PIK3R6: variants seen among roughly 807,000 people sequenced by gnomAD.
PIK3R6 encodes phosphoinositide 3-kinase regulatory subunit 6.
In PIK3R6, 91 loss-of-function variants were observed where a neutral mutation model predicts 84.9. The observed-to-expected ratio is 1.07, with a 90% CI of 0.90 to 1.28. The LOEUF (loss-of-function observed/expected upper bound fraction) is 1.28. PIK3R6 is among the 50% of genes most tolerant of loss of function. PIK3R6 has a pLI of 0.00. For missense variants in PIK3R6, 996 were observed against 985.1 expected (o/e 1.01, Z -0.15); for synonymous variants, 416 against 411.4 (o/e 1.01, Z -0.13).
rs2088587341 is a variant in PIK3R6, at chr17:8,839,125, G to T, written c.98-470C>A. Among the ~76,000 whole-genome samples, 1 of 152,076 alleles carries T rather than the reference G, an allele frequency of 6.6e-6. No individual in the cohort carries two copies. The highest frequency in any genetic ancestry group is 6.5e-5 in the Admixed American group (1 of 15,272). On this transcript the variant is annotated intron_variant, in intron 3 of 19. Coordinates refer to ENST00000619866, the MANE Select transcript of PIK3R6 (RefSeq NM_001010855.4). The surrounding 1 kb of genome is among the most constrained non-coding windows in gnomAD (Gnocchi z 4.2). ...CACTTTGGGAGGCTGAGACAGGCGGGTCACTTGCGGTCAGGAGTTCGAGAC... is the reference window on the plus strand; with the variant it reads ...CACTTTGGGAGGCTGAGACAGGCGGTTCACTTGCGGTCAGGAGTTCGAGAC...
In PIK3R6 at chr17:8,828,209, G is replaced by A; in HGVS notation, c.1314-19C>T. ...CCGTTTCCTAGCAATGGGCAGCAAA[G>A]CAGAGGAGGTTAGGGGCGGGGCTTG... On this transcript the variant is annotated intron_variant, in intron 11 of 19. Coordinates refer to ENST00000619866, the MANE Select transcript of PIK3R6 (RefSeq NM_001010855.4). The A allele has an allele frequency of 1.9e-6, 3 of 1,612,422 alleles. No individual in the cohort carries two copies. Among genetic ancestry groups the A allele is most frequent in the Non-Finnish European group, 2.5e-6 (3 of 1,178,438 alleles).
rs1273821371 is a variant in PIK3R6 at position 8,803,137 on chromosome 17, C to T, written c.*136G>A. Reference sequence around the variant, plus strand: ...CAGTCCCCAGGGTAGGCTCCCTGTGCTCCCAGGCACTCGCTGGCTCCTGGT... The same window carrying T: ...CAGTCCCCAGGGTAGGCTCCCTGTGTTCCCAGGCACTCGCTGGCTCCTGGT... On this transcript the variant is annotated 3_prime_UTR_variant, in exon 20 of 20. Coordinates refer to ENST00000619866, the MANE Select transcript of PIK3R6 (RefSeq NM_001010855.4). This position sits in a 1 kb window ranked among gnomAD's most constrained non-coding sequence, Gnocchi z 5.0. The T allele has an allele frequency of 2.2e-5, 26 of 1,171,330 alleles. No homozygotes were observed. Among genetic ancestry groups the T allele is most frequent in the Middle Eastern group, 3.0e-4 (1 of 3,378 alleles). The allele number at this position is 1,171,330 out of a possible 1,614,324, so 72.6% of individuals were successfully genotyped here.
At chr17:8,846,013 T>C (rs2088808234) in intron 2 of PIK3R6, among the ~76,000 whole-genome samples, 1 of 152,164 alleles carries the variant, frequency 6.6e-6, no homozygotes, top group African/African-American at 2.4e-5. Flanking sequence ...TTTGTTGCAA[T>C]TGCTTTTGAG....
chr17:8,838,190 C>T, intron 4 of PIK3R6: 2 of 462,664 alleles, frequency 4.3e-6, no homozygotes, highest in South Asian at 5.0e-5. Context: ...GCAGTGTTTC[C>T]CAAACGGTTG....
At chr17:8,835,161 G>T in intron 8 of PIK3R6, 112 bp downstream of exon 8, 1 of 1,174,218 alleles carries the variant, frequency 8.5e-7, no homozygotes, top group East Asian at 2.7e-5. Flanking sequence ...TTTTGATTTG[G>T]GGGAAAAGGT....
rs554806377 is a variant in PIK3R6, at chr17:8,824,414, G to T, written c.1516-917C>A. Among the ~76,000 whole-genome samples, 198 of 152,296 alleles carry T rather than the reference G, an allele frequency of 1.3e-3. 2 individuals carry two copies. Among genetic ancestry groups the T allele is most frequent in the African/African-American group, 4.4e-3 (184 of 41,558 alleles). The stretch of plus-strand genomic sequence containing the variant: ...CTACATAGAATGTGATAGTGTCAGG[G>T]CTAGAAGGAAGCTCAGAGTTGATCT... On this transcript the variant is annotated intron_variant, in intron 13 of 19. Transcript: ENST00000619866.
At position 8,844,222 on chromosome 17, in the gene PIK3R6, T is replaced by C. The variant is rs191069516; in HGVS notation, c.14-4525A>G. ...GGCAGGCTCTATCTCCCTCTGCACCTTGCAAGTCTGGCCAAGCAGTTCTGG... is the reference window on the plus strand; with the variant it reads ...GGCAGGCTCTATCTCCCTCTGCACCCTGCAAGTCTGGCCAAGCAGTTCTGG... On this transcript the variant is annotated intron_variant, in intron 2 of 19. Transcript: ENST00000619866. The surrounding 1 kb of genome is among the most constrained non-coding windows in gnomAD (Gnocchi z 4.5). Among the ~76,000 whole-genome samples the C allele has an allele frequency of 1.5e-4, 23 of 152,322 alleles. No individual in the cohort carries two copies. Among genetic ancestry groups the C allele is most frequent in the Admixed American group, 1.4e-3 (22 of 15,304 alleles).
At position 8,828,938 on chromosome 17, in the gene PIK3R6, A is replaced by G; in HGVS notation, c.942T>C (p.Ala314=). The G allele has an allele frequency of 6.6e-7, 1 of 1,513,546 alleles. No homozygotes were observed. Among genetic ancestry groups the G allele is most frequent in the South Asian group, 1.3e-5 (1 of 75,786 alleles). 93.8% of individuals were successfully genotyped at this position (1,513,546 alleles called of 1,614,324 possible). Residue 314 remains alanine (A), a synonymous_variant, in exon 11 of 20, where the codon GCT becomes GCC. Transcript: ENST00000619866. The part of the protein sequence containing the change: ...LRPRSQLRLS[A]DLEVLDLQGL... ...CCTGCAGATCCAAGACCTCCAAGTC[A>G]GCACTGAGGCGCAGCTGGGATCTTG...
chr17:8,824,565 C>G (rs961880277), intron 13 of PIK3R6, among the ~76,000 whole-genome samples: 1 of 152,204 alleles, frequency 6.6e-6, no homozygotes, highest in Non-Finnish European at 1.5e-5. Context: ...GCTGTCATTG[C>G]TCACATTGTT....
At chr17:8,829,100 C>T in intron 10 of PIK3R6, 110 bp from the exon 11 acceptor site, 1 of 1,017,236 alleles carries the variant, frequency 9.8e-7, no homozygotes. Context: ...CACAGACAGA[C>T]ACATAAAGAC....
intron 9 of PIK3R6, among the ~76,000 whole-genome samples, chr17:8,830,615 G>A (rs1019418878): frequency 2.6e-5 from 4 of 152,170 alleles, no homozygotes; most frequent in African/African-American, 9.7e-5. Context: ...CCTGCCAATG[G>A]CCCTGGGCAA....
chr17:8,829,674 C>G (rs753723787), intron 10 of PIK3R6, 32 bp downstream of exon 10: 15 of 1,537,826 alleles, frequency 9.8e-6, no homozygotes, highest in Middle Eastern at 1.7e-4. Flanking sequence ...AGACATATAC[C>G]ACTGTTTCCA....
rs1347841795 is a variant in PIK3R6, at chr17:8,844,053, G to A, written c.14-4356C>T. ...CAAGGGATATAGGGTTCCAGGGAAT[G>A]AGGAAAATCAGACCGGCTGGGACAA... On this transcript the variant is annotated intron_variant, in intron 2 of 19. Coordinates refer to ENST00000619866, the MANE Select transcript of PIK3R6 (RefSeq NM_001010855.4). The surrounding 1 kb of genome is among the most constrained non-coding windows in gnomAD (Gnocchi z 4.5). Among the ~76,000 whole-genome samples, 1 of 152,208 alleles carries A rather than the reference G, an allele frequency of 6.6e-6. No individual in the cohort carries two copies. Among genetic ancestry groups the A allele is most frequent in the Non-Finnish European group, 1.5e-5 (1 of 68,040 alleles).
intron 9 of PIK3R6, among the ~76,000 whole-genome samples, chr17:8,830,441 T>G (rs971837086): frequency 6.6e-6 from 1 of 152,160 alleles, no homozygotes; most frequent in Non-Finnish European, 1.5e-5. Flanking sequence ...CATGTGGTCT[T>G]AGGATTTGGC....
chr17:8,808,238 C>T (rs1005636284), intron 18 of PIK3R6, among the ~76,000 whole-genome samples: 10 of 152,168 alleles, frequency 6.6e-5, no homozygotes, highest in Admixed American at 1.3e-4. Context: ...TAGCCAAGCA[C>T]TCTTCTAAGA....
intron 9 of PIK3R6, among the ~76,000 whole-genome samples, chr17:8,830,215 T>G (rs2088185879): frequency 6.6e-6 from 1 of 152,206 alleles, no homozygotes; most frequent in Non-Finnish European, 1.5e-5. Flanking sequence ...ATATCTTGCA[T>G]GCAGTAGACA....
chr17:8,804,701 G>A (rs1012939570), intron 18 of PIK3R6, among the ~76,000 whole-genome samples: 6 of 152,166 alleles, frequency 3.9e-5, no homozygotes, highest in Non-Finnish European at 7.3e-5. Flanking sequence ...AGCAGCTCCA[G>A]AGAGGTCGCC....
At chr17:8,833,570 C>A in intron 8 of PIK3R6, among the ~76,000 whole-genome samples, 1 of 137,488 alleles carries the variant, frequency 7.3e-6, no homozygotes. Flanking sequence ...GAGACGGAGT[C>A]TTGCTCTGTC....
At chr17:8,864,857 G>C (rs371295185) in intron 1 of PIK3R6, among the ~76,000 whole-genome samples, 1 of 152,106 alleles carries the variant, frequency 6.6e-6, no homozygotes, top group African/African-American at 2.4e-5. Flanking sequence ...TCCTGGCAGA[G>C]GGATGAGATC....
Sources: gnomAD v4.1 joint callset for allele counts (sites outside exome capture counted in the v4.1 genomes callset) on GRCh38, gnomAD v4.1.1 for gene constraint, Gnocchi (gnomAD v3.1) non-coding constraint, MANE v1.5 for transcripts, NCBI Gene and HGNC (gene_info 2026-07-23, HGNC 2026-07-21) for gene names.